PPM1L: variants seen among roughly 807,000 people sequenced by gnomAD.
PPM1L encodes the protein protein phosphatase 1L.
A neutral mutation model predicts 31.4 loss-of-function variants in PPM1L; 13 were observed. The observed-to-expected ratio is 0.41, with a 90% CI of 0.27 to 0.66. PPM1L has a LOEUF of 0.66. Among genes scored for constraint, PPM1L ranks in the 30% least tolerant of loss-of-function variants. The pLI is 0.29. For synonymous variants in PPM1L, 184 were observed against 175.4 expected, an observed-to-expected ratio of 1.05 and a Z score of -0.39; for missense variants, 326 against 453.7, an observed-to-expected ratio of 0.72 and a Z score of 2.56.
chr3:160,995,632 T>A (rs1717293614), intron 2 of PPM1L, among the ~76,000 whole-genome samples: 1 of 150,886 alleles, frequency 6.6e-6, no homozygotes, highest in South Asian at 2.1e-4. Flanking sequence ...AGGTAGAGAC[T>A]TTTTTTAAGA....
chr3:160,812,317 A>T (rs183341156), intron 1 of PPM1L, among the ~76,000 whole-genome samples: 1 of 152,236 alleles, frequency 6.6e-6, no homozygotes, highest in East Asian at 1.9e-4. Flanking sequence ...TCCTTTCCTA[A>T]GTTGTCACTG....
At chr3:161,064,086 AGAT>A (rs1218204999) in intron 2 of PPM1L, among the ~76,000 whole-genome samples, 4 of 151,896 alleles carry the variant, frequency 2.6e-5, no homozygotes, top group Non-Finnish European at 4.4e-5. Context: ...CTTAAAACTT[AGAT>A]GACAGGTTGA....
intron 2 of PPM1L, among the ~76,000 whole-genome samples, chr3:161,003,861 A>C (rs1717596532): frequency 6.6e-6 from 1 of 151,012 alleles, no homozygotes; most frequent in South Asian, 2.1e-4. Flanking sequence ...CCCTGGCCAG[A>C]ACTTCCAACA....
At chr3:160,982,016 T>A (rs1159118949) in intron 2 of PPM1L, among the ~76,000 whole-genome samples, 2 of 152,142 alleles carry the variant, frequency 1.3e-5, no homozygotes, top group African/African-American at 4.8e-5. Flanking sequence ...TCCACCTGCC[T>A]TGGCCTCCCA....
intron 2 of PPM1L, among the ~76,000 whole-genome samples, chr3:161,002,304 G>A (rs1237706006): frequency 5.3e-5 from 8 of 152,174 alleles, no homozygotes; most frequent in Admixed American, 4.6e-4. Context: ...ACATATATGT[G>A]CATGTGTCTT....
chr3:160,758,870 C>T (rs1458958448), intron 1 of PPM1L, among the ~76,000 whole-genome samples: 1 of 151,988 alleles, frequency 6.6e-6, no homozygotes, highest in African/African-American at 2.4e-5. Context: ...ATGCTGTTTG[C>T]AAAATAATTG....
chr3:160,839,556 T>C (rs1159437434), intron 1 of PPM1L, among the ~76,000 whole-genome samples: 2 of 152,224 alleles, frequency 1.3e-5, no homozygotes, highest in Non-Finnish European at 2.9e-5. Context: ...TTTTGTGATT[T>C]CCCCTGAGTG....
At chr3:160,988,703 A>G (rs1717039725) in intron 2 of PPM1L, among the ~76,000 whole-genome samples, 1 of 152,188 alleles carries the variant, frequency 6.6e-6, no homozygotes, top group African/African-American at 2.4e-5. Context: ...TCAGGATCTC[A>G]GAACAACTTA....
intron 1 of PPM1L, among the ~76,000 whole-genome samples, chr3:160,956,762 A>G (rs1055732697): frequency 1.3e-5 from 2 of 152,268 alleles, no homozygotes; most frequent in African/African-American, 4.8e-5. Flanking sequence ...GAATAGTTCC[A>G]TTTGCCAGTA....
chr3:160,903,202 G>GT (rs57599511), intron 1 of PPM1L, among the ~76,000 whole-genome samples: 14 of 83,060 alleles, frequency 1.7e-4, no homozygotes, highest in African/African-American at 5.4e-4. Flanking sequence ...TGGTATGTGT[G>GT]TATGTTTGTG....
At chr3:160,886,346 A>G (rs891386452) in intron 1 of PPM1L, among the ~76,000 whole-genome samples, 8 of 152,150 alleles carry the variant, frequency 5.3e-5, no homozygotes, top group Non-Finnish European at 7.4e-5. Flanking sequence ...CCCATCCACA[A>G]AGGGACAAAG....
chr3:161,068,927 C>A lies in PPM1L; in HGVS notation c.853C>A (p.Leu285Met). The change falls in exon 4 of 4, where the codon CTG becomes ATG. Residue 285 changes from leucine to methionine, a missense_variant. Transcript: ENST00000498165. ...CGTGGTCATCCCAGACCCAGACATC[C>A]TGACCTTTGACCTGGACAAGCTTCA... The part of the protein sequence containing the change: ...LNVVIPDPDI[L>M]TFDLDKLQPE... 9 of 1,614,192 alleles carry A rather than the reference C, an allele frequency of 5.6e-6. No homozygotes were observed. The highest frequency in any genetic ancestry group is 7.6e-6 in the Non-Finnish European group (9 of 1,180,018).
intron 1 of PPM1L, among the ~76,000 whole-genome samples, chr3:160,939,320 G>A (rs1335732679): frequency 3.9e-5 from 6 of 151,956 alleles, no homozygotes; most frequent in Non-Finnish European, 2.9e-5. Flanking sequence ...TGTTTTTCAT[G>A]CCTTTATGTC....
chr3:160,978,244 C>T (rs1008931988), intron 2 of PPM1L, among the ~76,000 whole-genome samples: 2 of 152,154 alleles, frequency 1.3e-5, no homozygotes, highest in East Asian at 1.9e-4. Flanking sequence ...CATTAACTTC[C>T]CTGAATTTCT....
chr3:161,006,302 T>A (rs115889768), intron 2 of PPM1L, among the ~76,000 whole-genome samples: 1,917 of 152,226 alleles, frequency 0.013, 39 homozygotes, highest in African/African-American at 0.045. Context: ...TGTACAGCAG[T>A]CAAAATCATG....
chr3:161,013,975 C>T (rs1275673721), intron 2 of PPM1L, among the ~76,000 whole-genome samples: 1 of 152,106 alleles, frequency 6.6e-6, no homozygotes, highest in African/African-American at 2.4e-5. Context: ...ACTCTTTATC[C>T]AATTTGCCAG....
chr3:161,029,762 A>G (rs776897006), intron 2 of PPM1L, among the ~76,000 whole-genome samples: 1 of 152,194 alleles, frequency 6.6e-6, no homozygotes. Context: ...ACAGCCCCAT[A>G]GAATTTCTCC....
At chr3:161,021,061 C>T (rs1185893815) in intron 2 of PPM1L, among the ~76,000 whole-genome samples, 2 of 151,650 alleles carry the variant, frequency 1.3e-5, no homozygotes, top group Admixed American at 6.6e-5. Flanking sequence ...TTTATTTATG[C>T]TCTAATCTTT....
intron 1 of PPM1L, among the ~76,000 whole-genome samples, chr3:160,855,474 A>T (rs967661457): frequency 1.3e-5 from 2 of 152,240 alleles, no homozygotes; most frequent in Non-Finnish European, 2.9e-5. Flanking sequence ...CAAACTATGC[A>T]TCTAGCAAAG....
Sources: gnomAD v4.1 joint callset for allele counts (sites outside exome capture counted in the v4.1 genomes callset) on GRCh38, gnomAD v4.1.1 for gene constraint, MANE v1.5 for transcripts, NCBI Gene and HGNC (gene_info 2026-07-23, HGNC 2026-07-21) for gene names.